The following PRIM1 variants were observed in gnomAD, a reference collection of about 807,000 sequenced individuals.
PRIM1 encodes the protein DNA primase small subunit.
In PRIM1, 38 loss-of-function variants were observed where a neutral mutation model predicts 60.2. The ratio of observed to expected loss-of-function variants is 0.63; its 90% CI spans 0.49 to 0.83. The LOEUF is 0.83. PRIM1 is among the 40% of genes least tolerant of loss of function. The probability of loss-of-function intolerance (pLI) is 0.00; values close to 1 mark genes in which losing one functional copy is unlikely to be tolerated. For missense variants in PRIM1, 388 were observed against 506.2 expected (o/e 0.77, Z 2.24); for synonymous variants, 158 against 160.2 (o/e 0.99, Z 0.10).
At chr12:56,743,395 G>T in intron 6 of PRIM1, 1 of 203,288 alleles carries the variant, frequency 4.9e-6, no homozygotes, top group Non-Finnish European at 9.7e-6. Context: ...AACCAACCCA[G>T]GACACCATAA....
In PRIM1 at chr12:56,746,810, G is replaced by A. The variant is rs1157238769; in HGVS notation, c.413C>T (p.Ala138Val). 6.2e-7 allele frequency: 1 copy of A among 1,613,860 alleles called. No homozygotes were observed. The highest frequency in any genetic ancestry group is 8.5e-7 in the Non-Finnish European group (1 of 1,179,860). ...CPKCWTLMTM[A>V]IRIIDRALKE... ...CAATGCTCTGTCAATGATGCGTATG[G>A]CCATTGTCATGAGGGTCCAGCACTT... is the stretch of plus-strand genomic sequence containing the variant. The change falls in exon 4 of 13, where the codon GCC becomes GTC. Residue 138 changes from alanine to valine, a missense_variant. Physicochemically the swap from Ala to Val is moderately conservative, Grantham distance 64. Coordinates refer to ENST00000338193, the MANE Select transcript of PRIM1 (RefSeq NM_000946.3).
rs1449616476 is a variant in PRIM1, at chr12:56,741,477, T to A, written c.940A>T (p.Asn314Tyr). ...CTAAAAGGGCTCTTCAGTAGATGAT[T>A]GATTCCTTTGCTGACATTGATATCC... ...RLDINVSKGI[N>Y]HLLKSPFSVH... is the part of the protein sequence containing the mutation. The change falls in exon 9 of 13, where the codon AAT becomes TAT. Residue 314 changes from asparagine to tyrosine, a missense_variant. Transcript: ENST00000338193. The A allele has an allele frequency of 6.2e-7, 1 of 1,613,894 alleles. No homozygotes were observed.
Position 56,751,194 on chromosome 12 carries a change from C to A in PRIM1, c.105G>T (p.Val35=). 2 of 1,530,588 alleles carry A rather than the reference C, an allele frequency of 1.3e-6. No individual in the cohort carries two copies. The allele number at this position is 1,530,588 out of a possible 1,614,324, so 94.8% of individuals were successfully genotyped here. ...QYYRWLNYGG[V]IKNYFQHREF... is the part of the protein sequence containing the mutation. ...CACGGTGTTGAAAGTAATTCTTTATCACTGCAAAATAAATGTACATTTTAA... is the reference window on the plus strand; with the variant it reads ...CACGGTGTTGAAAGTAATTCTTTATAACTGCAAAATAAATGTACATTTTAA... The change falls in exon 2 of 13, where the codon GTG becomes GTT. Residue 35 remains valine (V), a splice_region_variant and synonymous_variant. Coordinates refer to ENST00000338193, the MANE Select transcript of PRIM1 (RefSeq NM_000946.3).
At chr12:56,734,952 T>C (rs1953814956) in intron 11 of PRIM1, among the ~76,000 whole-genome samples, 1 of 150,988 alleles carries the variant, frequency 6.6e-6, no homozygotes, top group Non-Finnish European at 1.5e-5. Flanking sequence ...GCTGGGATTA[T>C]AGGTGCCCGC....
intron 1 of PRIM1, 76 bp downstream of exon 1, chr12:56,752,120 A>C: frequency 9.2e-7 from 1 of 1,092,554 alleles, no homozygotes; most frequent in Non-Finnish European, 1.3e-6. Flanking sequence ...AAGGCGCTTC[A>C]TATTGTCATT....
chr12:56,752,106 A>C (rs1953973602), intron 1 of PRIM1, 90 bp downstream of exon 1: 1 of 917,246 alleles, frequency 1.1e-6, no homozygotes, highest in Non-Finnish European at 1.6e-6. Context: ...AGCCTGGTGC[A>C]CAGAAGGCGC....
chr12:56,743,946 C>T, intron 6 of PRIM1, 119 bp downstream of exon 6: 2 of 684,774 alleles, frequency 2.9e-6, no homozygotes, highest in Non-Finnish European at 4.9e-6. Flanking sequence ...ACTCAATTAA[C>T]CATAGCTATT....
intron 7 of PRIM1, among the ~76,000 whole-genome samples, chr12:56,742,616 C>G (rs1953880901): frequency 6.6e-6 from 1 of 151,982 alleles, no homozygotes. Flanking sequence ...CAAACCAACA[C>G]CAGTTGTATC....
In PRIM1 at chr12:56,746,999, A is replaced by G. The variant is rs746482192; in HGVS notation, c.295T>C (p.Phe99Leu). ...NQHNTVKLGAFQAQEKELVFD... is the reference protein window; with the variant it reads ...NQHNTVKLGALQAQEKELVFD... ...ACCAGTTCTTTTTCCTGAGCCTGGA[A>G]AGCTCCCAGCTTCACTGTATTGTGT... The change falls in exon 3 of 13, where the codon TTC becomes CTC. Residue 99 changes from phenylalanine (F) to leucine (L), a missense_variant. This residue lies in a region of PRIM1 where 156 missense variants were observed against 175.8 expected (regional missense o/e 0.89). Coordinates refer to ENST00000338193, the MANE Select transcript of PRIM1 (RefSeq NM_000946.3). 1.9e-6 allele frequency: 3 copies of G among 1,613,648 alleles called. No homozygotes were observed. The Admixed American group carries it at 5.0e-5, about 27-fold the overall frequency.
chr12:56,736,565 G>A (rs1294931348), intron 11 of PRIM1, among the ~76,000 whole-genome samples: 2 of 151,492 alleles, frequency 1.3e-5, no homozygotes, highest in African/African-American at 2.4e-5. Flanking sequence ...GTGCAGTGGC[G>A]CAACTTCAGC....
intron 7 of PRIM1, among the ~76,000 whole-genome samples, chr12:56,742,771 C>T (rs1953881826): frequency 1.3e-5 from 2 of 152,112 alleles, no homozygotes; most frequent in Admixed American, 1.3e-4. Context: ...ATTCTAGGAC[C>T]AACTTCCAAA....
chr12:56,743,430 G>A lies in PRIM1; in HGVS notation c.639-334C>T, dbSNP rs144172929. The A allele has an allele frequency of 1.8e-3, 312 of 174,384 alleles. 3 individuals carry two copies. The highest frequency in any genetic ancestry group is 0.01 in the Middle Eastern group (4 of 400). The allele number at this position is 174,384 out of a possible 1,614,324, so 10.8% of individuals were successfully genotyped here. Reference sequence around the variant, plus strand: ...ATACATCAGTAGTAGAATGTGGGATGCAGCCTACACTTTCCACTGTGAATT... The same window carrying A: ...ATACATCAGTAGTAGAATGTGGGATACAGCCTACACTTTCCACTGTGAATT... On this transcript the variant is annotated intron_variant, in intron 6 of 12. Coordinates refer to ENST00000338193, the MANE Select transcript of PRIM1 (RefSeq NM_000946.3).
At chr12:56,738,546 G>T in intron 10 of PRIM1, 21 bp from the exon 11 acceptor site, 4 of 1,558,296 alleles carry the variant, frequency 2.6e-6, no homozygotes, top group Non-Finnish European at 3.5e-6. Context: ...CAGAACAAGA[G>T]AATTTTGTTT....
chr12:56,738,487 T>C lies in PRIM1; in HGVS notation c.1091A>G (p.Glu364Gly), dbSNP rs1272620179. Residue 364 changes from glutamate to glycine, a missense_variant, in exon 11 of 13, where the codon GAA (glutamate) becomes GGA (glycine). Coordinates refer to ENST00000338193, the MANE Select transcript of PRIM1 (RefSeq NM_000946.3). Reference protein sequence around the residue: ...CRELDAISTNEEEKEENEAES... With the variant: ...CRELDAISTNGEEKEENEAES... ...AGCTTCATTCTCCTCTTTTTCCTCT[T>C]CATTAGTGGAAATGGCATCCAATTC... is the stretch of plus-strand genomic sequence containing the variant. The C allele has an allele frequency of 1.3e-6, 2 of 1,586,898 alleles. No individual in the cohort carries two copies. Among genetic ancestry groups the C allele is most frequent in the Non-Finnish European group, 1.7e-6 (2 of 1,165,218 alleles).
chr12:56,741,599 C>A (rs763259191), intron 8 of PRIM1, 23 bp from the exon 9 acceptor site: 45 of 1,604,574 alleles, frequency 2.8e-5, no homozygotes. Flanking sequence ...ACAAGGCCAA[C>A]ATGAGGATCA....
rs1333220243 is a variant in PRIM1 at position 56,752,100 on chromosome 12, T to G, written c.103+96A>C. ...AAATGAAGGCGCGCGGCACAAAGCC[T>G]GGTGCACAGAAGGCGCTTCATATTG... is the stretch of plus-strand genomic sequence containing the variant. On this transcript the variant is annotated intron_variant, in intron 1 of 12. Coordinates refer to ENST00000338193, the MANE Select transcript of PRIM1 (RefSeq NM_000946.3). The G allele has an allele frequency of 8.5e-6, 7 of 827,494 alleles. No homozygotes were observed. The Admixed American group carries it at 1.7e-4, about 21-fold the overall frequency. 51.3% of individuals were successfully genotyped at this position (827,494 alleles called of 1,614,324 possible).
rs1953975116 is a variant in PRIM1 at position 56,752,176 on chromosome 12, C to T, written c.103+20G>A. On this transcript the variant is annotated intron_variant, in intron 1 of 12. Transcript: ENST00000338193. Reference sequence around the variant, plus strand: ...ACCTCCTCACACTCCGCTCCCGAACCCATTCCTCGCCTCCATCACCTCCAC... The same window carrying T: ...ACCTCCTCACACTCCGCTCCCGAACTCATTCCTCGCCTCCATCACCTCCAC... The T allele has an allele frequency of 6.5e-7, 1 of 1,541,258 alleles. No individual in the cohort carries two copies. Among genetic ancestry groups the T allele is most frequent in the Non-Finnish European group, 8.9e-7 (1 of 1,128,420 alleles).
In PRIM1 at chr12:56,731,640, A is replaced by G; in HGVS notation, c.*75T>C. On this transcript the variant is annotated 3_prime_UTR_variant, in exon 13 of 13. Coordinates refer to ENST00000338193, the MANE Select transcript of PRIM1 (RefSeq NM_000946.3). ...ACACATATATAGTTCTGCCATATTT[A>G]TTAAATGGCTCTTGAAGTATTTGAT... 1 of 1,309,664 alleles carries G rather than the reference A, an allele frequency of 7.6e-7. No individual in the cohort carries two copies. Among genetic ancestry groups the G allele is most frequent in the Non-Finnish European group, 1.1e-6 (1 of 946,014 alleles). The allele number at this position is 1,309,664 out of a possible 1,614,324, so 81.1% of individuals were successfully genotyped here. A position where few individuals can be genotyped will look rare whatever the true frequency, so the allele number is the denominator to read the frequency against.
chr12:56,731,690 C>A lies in PRIM1; in HGVS notation c.*25G>T. ...TCTGTGGTTGAAGGCAGAAGATATC[C>A]ACAATGGTTTGAGGAGCTCTGTCTT... On this transcript the variant is annotated 3_prime_UTR_variant, in exon 13 of 13. Coordinates refer to ENST00000338193, the MANE Select transcript of PRIM1 (RefSeq NM_000946.3). 1 of 1,505,170 alleles carries A rather than the reference C, an allele frequency of 6.6e-7. No homozygotes were observed. Among genetic ancestry groups the A allele is most frequent in the Non-Finnish European group, 9.0e-7 (1 of 1,109,354 alleles). The allele number at this position is 1,505,170 out of a possible 1,614,324, so 93.2% of individuals were successfully genotyped here. A position where few individuals can be genotyped will look rare whatever the true frequency, so the allele number is the denominator to read the frequency against.
Sources: allele counts gnomAD v4.1 joint callset (sites outside exome capture counted in the v4.1 genomes callset), GRCh38; gene constraint gnomAD v4.1.1; regional missense constraint gnomAD v4.1.1; transcripts MANE v1.5; gene names NCBI Gene and HGNC (gene_info 2026-07-23, HGNC 2026-07-21).